Variants in ITPR1 observed in about 807,000 individuals in gnomAD.
ITPR1 encodes the protein inositol 1,4,5-trisphosphate receptor type 1.
Under a neutral mutation model 318.4 loss-of-function variants are expected in ITPR1, and 96 were observed. That is an observed-to-expected ratio of 0.30 (90% CI 0.26 to 0.36). The LOEUF (loss-of-function observed/expected upper bound fraction) is 0.36. Among genes scored for constraint, ITPR1 ranks in the 10% least tolerant of loss-of-function variants. The pLI, the probability that ITPR1 is intolerant of heterozygous loss-of-function variation, is 1.00. For missense variants in ITPR1, 2,440 were observed against 3,460.2 expected, an observed-to-expected ratio of 0.71 and a Z score of 7.40; for synonymous variants, 1,312 against 1,289.9, an observed-to-expected ratio of 1.02 and a Z score of -0.37.
chr3:4,843,938 A>G (rs2051562668), intron 61 of ITPR1, among the ~76,000 whole-genome samples: 1 of 152,164 alleles, frequency 6.6e-6, no homozygotes, highest in African/African-American at 2.4e-5. Context: ...TGATGTAACA[A>G]ACAGGGATGA....
At chr3:4,772,350 G>A (rs750451586) in intron 46 of ITPR1, among the ~76,000 whole-genome samples, 36 of 152,246 alleles carry the variant, frequency 2.4e-4, no homozygotes, top group South Asian at 2.1e-4. Flanking sequence ...GCTCGTGCCC[G>A]GAGTTGCTTG....
At chr3:4,725,285 T>A (rs970433592) in intron 40 of ITPR1, among the ~76,000 whole-genome samples, 1 of 152,114 alleles carries the variant, frequency 6.6e-6, no homozygotes, top group Admixed American at 6.5e-5. Flanking sequence ...AGTGGTAGAC[T>A]TTTTTTGTTT....
chr3:4,676,556 A>C (rs2125220495), intron 23 of ITPR1, 58 bp from the exon 24 acceptor site: 1 of 1,353,436 alleles, frequency 7.4e-7, no homozygotes, highest in Non-Finnish European at 1.0e-6. Flanking sequence ...CCCTTGACAT[A>C]TGCCTCTGAG....
intron 39 of ITPR1, among the ~76,000 whole-genome samples, chr3:4,712,277 T>C (rs181849997): frequency 1.1e-4 from 17 of 152,220 alleles, no homozygotes; most frequent in African/African-American, 3.9e-4. Context: ...ATCCTTTCAG[T>C]GCATCAAGAA....
intron 51 of ITPR1, among the ~76,000 whole-genome samples, chr3:4,784,474 C>T (rs939898345): frequency 6.6e-5 from 10 of 151,996 alleles, no homozygotes; most frequent in Non-Finnish European, 1.0e-4. Flanking sequence ...ATCAACCATC[C>T]TTATGAGAAG....
intron 10 of ITPR1, 22 bp downstream of exon 10, chr3:4,645,750 G>T: frequency 6.2e-7 from 1 of 1,607,852 alleles, no homozygotes; most frequent in Middle Eastern, 1.7e-4. Flanking sequence ...GTGGAGAAAG[G>T]GCTCCTGGGT....
At position 4,769,221 on chromosome 3, in the gene ITPR1, T is replaced by C. The variant is rs371221493; in HGVS notation, c.5979+457T>C. Among the ~76,000 whole-genome samples, 16 of 152,172 alleles carry C rather than the reference T, an allele frequency of 1.1e-4. No individual in the cohort carries two copies. In the East Asian group the frequency reaches 2.5e-3, roughly 24 times the overall value. On this transcript the variant is annotated intron_variant, in intron 46 of 61. Transcript: ENST00000649015. ...CCGAGCCTGGCCAGATCAGCAAAGT[T>C]CTGTGATGCAAAAGCCTGGGCAAGT...
At chr3:4,674,645 A>C (rs2094149279) in intron 22 of ITPR1, among the ~76,000 whole-genome samples, 2 of 152,352 alleles carry the variant, frequency 1.3e-5, no homozygotes, top group South Asian at 4.1e-4. Flanking sequence ...AATCTGCCAT[A>C]GCTTAATCAT....
At position 4,787,940 on chromosome 3, in the gene ITPR1, A is replaced by C; in HGVS notation, c.6616-7A>C. 6.3e-7 allele frequency: 1 copy of C among 1,598,802 alleles called. No homozygotes were observed. Among genetic ancestry groups the C allele is most frequent in the Non-Finnish European group, 8.5e-7 (1 of 1,170,886 alleles). ...AATATTTAATCTCATCCACTTTTTC[A>C]TCCTAGATTGTCAGATTAGACCGAA... On this transcript the variant is annotated splice_region_variant and splice_polypyrimidine_tract_variant and intron_variant, in intron 51 of 61. Transcript: ENST00000649015.
At chr3:4,596,233 G>T (rs1316132698) in intron 4 of ITPR1, 1 of 152,112 alleles carries the variant, frequency 6.6e-6, no homozygotes, top group Non-Finnish European at 1.5e-5. Flanking sequence ...TTAAGCAAAA[G>T]TTCCTTAGAG....
chr3:4,627,598 A>G (rs1264466240), intron 4 of ITPR1, among the ~76,000 whole-genome samples, 165 bp from the exon 5 acceptor site: 1 of 152,220 alleles, frequency 6.6e-6, no homozygotes, highest in African/African-American at 2.4e-5. Context: ...GGTGGTGGCA[A>G]TTAAATTCAA....
intron 4 of ITPR1, among the ~76,000 whole-genome samples, chr3:4,572,190 C>T (rs946546266): frequency 1.3e-5 from 2 of 152,180 alleles, no homozygotes; most frequent in Admixed American, 6.5e-5. Context: ...AGACTTCTCC[C>T]TTGAACTCCA....
Position 4,800,513 on chromosome 3 carries a change from C to T in ITPR1, c.7020C>T (p.Gly2340=). ...AIVIALPKPH[G]IRALIASTIL... ...TCATTGCCCTCCCCAAGCCCCATGGCATCCGGGCCTTAATTGCCTCCACAA... is the reference window on the plus strand; with the variant it reads ...TCATTGCCCTCCCCAAGCCCCATGGTATCCGGGCCTTAATTGCCTCCACAA... The change falls in exon 54 of 62, where the codon GGC becomes GGT. Residue 2340 remains glycine (G), a synonymous_variant. Coordinates refer to ENST00000649015, the MANE Select transcript of ITPR1 (RefSeq NM_001378452.1). The T allele has an allele frequency of 6.2e-7, 1 of 1,614,014 alleles. No individual in the cohort carries two copies. Among genetic ancestry groups the T allele is most frequent in the Non-Finnish European group, 8.5e-7 (1 of 1,179,868 alleles).
chr3:4,799,080 A>G (rs1425958619), intron 53 of ITPR1, among the ~76,000 whole-genome samples: 4 of 152,240 alleles, frequency 2.6e-5, no homozygotes, highest in African/African-American at 7.2e-5. Flanking sequence ...CTTAAAATGC[A>G]TGGATTTTTT....
chr3:4,825,091 C>T (rs908398967), intron 60 of ITPR1, among the ~76,000 whole-genome samples: 2 of 152,230 alleles, frequency 1.3e-5, no homozygotes, highest in African/African-American at 4.8e-5. Context: ...CTAATAATTA[C>T]ACATGAGAAT....
At chr3:4,519,035 C>T (rs927912661) in intron 3 of ITPR1, among the ~76,000 whole-genome samples, 4 of 152,132 alleles carry the variant, frequency 2.6e-5, no homozygotes, top group Non-Finnish European at 4.4e-5. Flanking sequence ...TGATGAACAT[C>T]CCCCTCGTTA....
intron 34 of ITPR1, 43 bp downstream of exon 34, chr3:4,697,315 GGTGTGTGTGTGTGTGTGTGTGTGT>G: frequency 3.5e-6 from 3 of 863,056 alleles, no homozygotes; most frequent in Non-Finnish European, 3.4e-6. Flanking sequence ...GAGAGTGAGA[GGTGTGTGTGTGTGTGTGTGTGTGT>G]GTGTGTGTGT....
At chr3:4,684,372 T>A in intron 29 of ITPR1, 26 bp downstream of exon 29, 1 of 1,540,836 alleles carries the variant, frequency 6.5e-7, no homozygotes, top group Non-Finnish European at 9.0e-7. Flanking sequence ...ACCACCATTT[T>A]TCCTTTCTTT....
chr3:4,791,954 G>A (rs1020183168), intron 52 of ITPR1, among the ~76,000 whole-genome samples: 2 of 152,192 alleles, frequency 1.3e-5, no homozygotes, highest in African/African-American at 4.8e-5. Flanking sequence ...TTATCTTACA[G>A]TTCTGGAGGT....
Sources: gnomAD v4.1 joint callset for allele counts (sites outside exome capture counted in the v4.1 genomes callset) on GRCh38, gnomAD v4.1.1 for gene constraint, MANE v1.5 for transcripts, NCBI Gene and HGNC (gene_info 2026-07-23, HGNC 2026-07-21) for gene names.